Variants in DTNB observed in about 807,000 individuals in gnomAD.
DTNB encodes DTN-B.
Under a neutral mutation model 90.7 loss-of-function variants are expected in DTNB, and 63 were observed. The observed-to-expected ratio is 0.69, with a 90% CI of 0.57 to 0.86. DTNB has a LOEUF of 0.86. DTNB is among the 40% of genes least tolerant of loss of function. The pLI, the probability that DTNB is intolerant of heterozygous loss-of-function variation, is 0.00. For synonymous variants in DTNB, 277 were observed against 286.7 expected (o/e 0.97, Z 0.34); for missense variants, 744 against 807.1 (o/e 0.92, Z 0.95).
chr2:25,625,128 G>C (rs1164961276), intron 4 of DTNB, among the ~76,000 whole-genome samples: 1 of 152,122 alleles, frequency 6.6e-6, no homozygotes, highest in Non-Finnish European at 1.5e-5. Flanking sequence ...TAAATTTGGA[G>C]GTGAGAGAAG....
chr2:25,639,871 A>G (rs2077873484), intron 2 of DTNB, among the ~76,000 whole-genome samples: 1 of 152,224 alleles, frequency 6.6e-6, no homozygotes, highest in Admixed American at 6.5e-5. Flanking sequence ...GAAAGCCCAG[A>G]CTGATGTGGA....
intron 6 of DTNB, among the ~76,000 whole-genome samples, chr2:25,583,260 AAAATAT>A (rs1288475736): frequency 1.4e-5 from 2 of 144,366 alleles, no homozygotes; most frequent in East Asian, 2.0e-4. Context: ...AAAAAAAAAA[AAAATAT>A]ATATATATAT....
In DTNB at chr2:25,572,383, C is replaced by T. The variant is rs561439754; in HGVS notation, c.876+4455G>A. 2.0e-5 allele frequency among the ~76,000 whole-genome samples: 3 copies of T among 151,516 alleles called. No homozygotes were observed. In the South Asian group the frequency reaches 6.2e-4, roughly 32 times the overall value. On this transcript the variant is annotated intron_variant, in intron 8 of 20. Coordinates refer to ENST00000406818, the MANE Select transcript of DTNB (RefSeq NM_021907.5). ...TCAGGAGGCTGAGGCAGGAGAATGG[C>T]GTGAACCCAGGAGGCGGAGCTTGCA...
chr2:25,403,421 C>A (rs1247136654), intron 16 of DTNB, among the ~76,000 whole-genome samples: 1 of 152,078 alleles, frequency 6.6e-6, no homozygotes, highest in Non-Finnish European at 1.5e-5. Flanking sequence ...TGGCCCGTAT[C>A]CCACTAGTCT....
At chr2:25,528,777 G>A (rs922603365) in intron 9 of DTNB, among the ~76,000 whole-genome samples, 3 of 152,286 alleles carry the variant, frequency 2.0e-5, no homozygotes, top group Middle Eastern at 3.4e-3. Flanking sequence ...TAGGAAAAAG[G>A]ACACTACTGA....
intron 9 of DTNB, among the ~76,000 whole-genome samples, chr2:25,519,225 G>A (rs1293966387): frequency 5.9e-5 from 9 of 151,920 alleles, no homozygotes; most frequent in African/African-American, 1.9e-4. Flanking sequence ...TTAGCCAGGC[G>A]TGGTGACATG....
At chr2:25,550,170 T>C (rs955340723) in intron 8 of DTNB, among the ~76,000 whole-genome samples, 8 of 152,030 alleles carry the variant, frequency 5.3e-5, no homozygotes, top group Non-Finnish European at 1.0e-4. Flanking sequence ...GGTGGGCGGA[T>C]CACGAGGTCA....
chr2:25,473,954 C>T (rs1319145757), intron 10 of DTNB, among the ~76,000 whole-genome samples: 6 of 152,316 alleles, frequency 3.9e-5, no homozygotes, highest in Non-Finnish European at 5.9e-5. Context: ...ACGGATGTGA[C>T]GCTTGGTCAC....
rs1349756223 is a variant in DTNB at position 25,422,680 on chromosome 2, G to A, written c.1555-3145C>T. Among the ~76,000 whole-genome samples the A allele has an allele frequency of 2.0e-5, 3 of 152,140 alleles. No homozygotes were observed. In the East Asian group the frequency reaches 5.8e-4, roughly 29 times the overall value. ...CCCAAAGTGTTGGGATTATAGGCAT[G>A]AGCCACCACGCCTGGCCTGGTAAAA... On this transcript the variant is annotated intron_variant, in intron 15 of 20. Coordinates refer to ENST00000406818, the MANE Select transcript of DTNB (RefSeq NM_021907.5).
chr2:25,551,946 C>A (rs899020195), intron 8 of DTNB, among the ~76,000 whole-genome samples: 2 of 152,224 alleles, frequency 1.3e-5, no homozygotes, highest in South Asian at 4.1e-4. Flanking sequence ...CAGCTATAAA[C>A]CCTGTTAATC....
rs559040455 is a variant in DTNB at position 25,613,761 on chromosome 2, T to C, written c.363-6440A>G. ...GATCATGAGGTCAGGCGTTTGAGAC[T>C]ATCCTGGCCAACATGGTGAAACCTT... is the stretch of plus-strand genomic sequence containing the variant. On this transcript the variant is annotated intron_variant, in intron 4 of 20. Transcript: ENST00000406818. 3.1e-4 allele frequency among the ~76,000 whole-genome samples: 47 copies of C among 151,722 alleles called. No individual in the cohort carries two copies. In the South Asian group the frequency reaches 4.8e-3, roughly 15 times the overall value.
rs6751632 is a variant in DTNB, at chr2:25,543,080, T to A, written c.877-11483A>T. Among the ~76,000 whole-genome samples, 650 of 152,352 alleles carry A rather than the reference T, an allele frequency of 4.3e-3. 4 individuals carry two copies. Among genetic ancestry groups the A allele is most frequent in the African/African-American group, 0.015 (609 of 41,590 alleles). ...ATAAACCATCTCTGGTAAAGACTTT[T>A]TAAATATGATAAAAATATACAAAGT... On this transcript the variant is annotated intron_variant, in intron 8 of 20. Coordinates refer to ENST00000406818, the MANE Select transcript of DTNB (RefSeq NM_021907.5).
intron 19 of DTNB, 183 bp from the exon 20 acceptor site, chr2:25,379,506 C>T (rs1307212110): frequency 1.6e-6 from 1 of 633,054 alleles, no homozygotes; most frequent in African/African-American, 1.9e-5. Context: ...CTTTCTACTA[C>T]TGTAGCCAAC....
chr2:25,604,666 C>T (rs1171829346), intron 5 of DTNB, among the ~76,000 whole-genome samples: 1 of 152,196 alleles, frequency 6.6e-6, no homozygotes, highest in Non-Finnish European at 1.5e-5. Flanking sequence ...GCTCTTGGCT[C>T]ACTACAACCT....
intron 10 of DTNB, among the ~76,000 whole-genome samples, chr2:25,479,832 T>G (rs2064542762): frequency 6.6e-6 from 1 of 152,224 alleles, no homozygotes. Flanking sequence ...TCTCATTCAG[T>G]GATTGACGTC....
intron 6 of DTNB, among the ~76,000 whole-genome samples, chr2:25,593,924 T>G (rs2064055063): frequency 6.6e-6 from 1 of 152,158 alleles, no homozygotes; most frequent in Non-Finnish European, 1.5e-5. Flanking sequence ...ATTCCAGAAC[T>G]TGATCCATTT....
intron 16 of DTNB, among the ~76,000 whole-genome samples, chr2:25,391,143 G>A (rs1358414386): frequency 2.0e-5 from 3 of 151,930 alleles, no homozygotes; most frequent in Non-Finnish European, 4.4e-5. Flanking sequence ...TGATCCACCT[G>A]CCTCGGCCTC....
At chr2:25,479,280 A>G (rs2064403156) in intron 10 of DTNB, among the ~76,000 whole-genome samples, 1 of 152,224 alleles carries the variant, frequency 6.6e-6, no homozygotes, top group Admixed American at 6.5e-5. Flanking sequence ...GTCTGAATAT[A>G]AGTTGACTTA....
chr2:25,516,980 CAT>C (rs879611226), intron 9 of DTNB, among the ~76,000 whole-genome samples: 10 of 152,088 alleles, frequency 6.6e-5, no homozygotes, highest in African/African-American at 2.4e-4. Context: ...CAAATGAAAA[CAT>C]ATGTCTACAG....
Sources: gnomAD v4.1 joint callset for allele counts (sites outside exome capture counted in the v4.1 genomes callset) on GRCh38, gnomAD v4.1.1 for gene constraint, MANE v1.5 for transcripts, NCBI Gene and HGNC (gene_info 2026-07-23, HGNC 2026-07-21) for gene names.